EYS: variants seen among roughly 807,000 people sequenced by gnomAD.
The protein encoded by EYS is protein eyes shut homolog.
A neutral mutation model predicts 282.1 loss-of-function variants in EYS; 250 were observed. The observed-to-expected ratio is 0.89, with a 90% confidence interval of 0.80 to 0.98. The LOEUF (loss-of-function observed/expected upper bound fraction) is 0.98. Among genes scored for constraint, EYS ranks in the 50% least tolerant of loss-of-function variants. EYS has a pLI of 0.00. For missense variants in EYS, 4,016 were observed against 3,709.0 expected, an observed-to-expected ratio of 1.08 and a Z score of -2.15; for synonymous variants, 1,355 against 1,282.9, an observed-to-expected ratio of 1.06 and a Z score of -1.20.
intron 22 of EYS, among the ~76,000 whole-genome samples, chr6:64,634,169 AC>A (rs1767888705): frequency 6.6e-6 from 1 of 152,074 alleles, no homozygotes; most frequent in Non-Finnish European, 1.5e-5. Context: ...TTTTTAGTAA[AC>A]ACAGGGTTTA....
chr6:64,587,582 A>C (rs899111117), intron 26 of EYS, among the ~76,000 whole-genome samples: 2 of 152,020 alleles, frequency 1.3e-5, no homozygotes, highest in Non-Finnish European at 2.9e-5. Context: ...CAGCTATTTT[A>C]ATGCCATTTA....
intron 28 of EYS, among the ~76,000 whole-genome samples, chr6:64,425,660 A>G (rs539999669): frequency 6.8e-6 from 1 of 147,220 alleles, no homozygotes; most frequent in African/African-American, 2.6e-5. Context: ...ATCCCAGGAA[A>G]AAAAAAAAAA....
chr6:64,194,833 A>G (rs1316841431), intron 31 of EYS, among the ~76,000 whole-genome samples: 2 of 152,124 alleles, frequency 1.3e-5, no homozygotes, highest in Non-Finnish European at 2.9e-5. Flanking sequence ...GGTAAGCTAA[A>G]ATTTCATAAT....
chr6:65,539,620 A>G (rs1288821042), intron 2 of EYS, among the ~76,000 whole-genome samples: 1 of 152,166 alleles, frequency 6.6e-6, no homozygotes, highest in South Asian at 2.1e-4. Context: ...TATATATCAA[A>G]TATGTGTTGT....
At chr6:64,012,806 CCA>C (rs1370187635) in intron 33 of EYS, among the ~76,000 whole-genome samples, 1 of 152,140 alleles carries the variant, frequency 6.6e-6, no homozygotes, top group African/African-American at 2.4e-5. Flanking sequence ...CGCATAAAAG[CCA>C]CAGTGTCAGG....
chr6:64,392,615 C>A (rs1295129187), intron 28 of EYS, among the ~76,000 whole-genome samples: 1 of 151,138 alleles, frequency 6.6e-6, no homozygotes. Context: ...ATCTCTGGGA[C>A]GCATTCAAAG....
At chr6:64,708,182 C>G (rs1771096696) in intron 22 of EYS, among the ~76,000 whole-genome samples, 1 of 152,104 alleles carries the variant, frequency 6.6e-6, no homozygotes, top group Non-Finnish European at 1.5e-5. Flanking sequence ...AACTTGTTGA[C>G]CCAACAATTC....
chr6:65,540,419 C>A (rs567360546), intron 2 of EYS, among the ~76,000 whole-genome samples: 12 of 152,150 alleles, frequency 7.9e-5, no homozygotes, highest in Middle Eastern at 6.8e-3. Context: ...TAAAAACATG[C>A]CACATTTTAA....
At chr6:65,024,007 T>C (rs1772324530) in intron 13 of EYS, among the ~76,000 whole-genome samples, 1 of 152,202 alleles carries the variant, frequency 6.6e-6, no homozygotes, top group Non-Finnish European at 1.5e-5. Flanking sequence ...AGGAGTCTCC[T>C]ACTACATGCC....
intron 28 of EYS, among the ~76,000 whole-genome samples, chr6:64,396,747 G>A (rs944568562): frequency 7.2e-5 from 11 of 152,014 alleles, no homozygotes; most frequent in Middle Eastern, 3.2e-3. Context: ...TCTGTTTCTA[G>A]ACTCTCTTTT....
In EYS at chr6:64,081,898, A is replaced by G. The variant is rs1771984429; in HGVS notation, c.6529T>C (p.Leu2177=). 3 of 1,543,172 alleles carry G rather than the reference A, an allele frequency of 1.9e-6. No individual in the cohort carries two copies. The highest frequency in any genetic ancestry group is 1.8e-6 in the Non-Finnish European group (2 of 1,140,252). Residue 2177 remains leucine (L), a synonymous_variant, in exon 32 of 43, where the codon TTG becomes CTG. Coordinates refer to ENST00000503581, the MANE Select transcript of EYS (RefSeq NM_001142800.2). The part of the protein sequence containing the change: ...KEHNRTVTIY[L]TIKTNSLNGT... ...TTTAAACTGTTTGTTTTTATAGTCAAGTAGATGGTAACAGTTCTGTTATGT... is the reference window on the plus strand; with the variant it reads ...TTTAAACTGTTTGTTTTTATAGTCAGGTAGATGGTAACAGTTCTGTTATGT...
intron 24 of EYS, 94 bp from the exon 25 acceptor site, chr6:64,593,403 A>T: frequency 9.9e-6 from 9 of 905,578 alleles, no homozygotes; most frequent in Non-Finnish European, 1.2e-5. Flanking sequence ...TTGCATTTCC[A>T]TAGACATATT....
chr6:64,437,945 G>A (rs981788605), intron 27 of EYS, among the ~76,000 whole-genome samples: 6 of 151,526 alleles, frequency 4.0e-5, no homozygotes, highest in Admixed American at 6.6e-5. Flanking sequence ...AGAAATGGTA[G>A]CCCAAATGCT....
chr6:65,658,353 A>G (rs1767895485), intron 1 of EYS, among the ~76,000 whole-genome samples: 1 of 151,756 alleles, frequency 6.6e-6, no homozygotes, highest in African/African-American at 2.4e-5. Context: ...TTTGTTAATC[A>G]TAATGTATCA....
At chr6:64,994,025 A>C (rs1193209433) in intron 14 of EYS, among the ~76,000 whole-genome samples, 4 of 151,780 alleles carry the variant, frequency 2.6e-5, no homozygotes, top group Admixed American at 6.6e-5. Context: ...ATGTAAGATA[A>C]AGAGGAAAAC....
At chr6:64,242,066 G>A (rs1582474017) in intron 30 of EYS, among the ~76,000 whole-genome samples, 2 of 152,120 alleles carry the variant, frequency 1.3e-5, no homozygotes, top group East Asian at 1.9e-4. Flanking sequence ...CGTTTGCTGA[G>A]GAGTGTTTTA....
At chr6:63,726,870 TG>T (rs1272786565) in intron 41 of EYS, among the ~76,000 whole-genome samples, 190 bp from the exon 42 acceptor site, 1 of 152,222 alleles carries the variant, frequency 6.6e-6, no homozygotes, top group Non-Finnish European at 1.5e-5. Context: ...TTTAGGGTTT[TG>T]TAACGAAGTC....
chr6:63,900,807 T>TA (rs1319289426), intron 35 of EYS, among the ~76,000 whole-genome samples: 10 of 151,974 alleles, frequency 6.6e-5, no homozygotes, highest in Admixed American at 5.2e-4. Context: ...AGCTTAAAAA[T>TA]AAAACAACAA....
intron 1 of EYS, among the ~76,000 whole-genome samples, chr6:65,690,309 A>AGT (rs1769194540): frequency 6.7e-6 from 1 of 150,022 alleles, no homozygotes; most frequent in Non-Finnish European, 1.5e-5. Context: ...CTCAGAAGGG[A>AGT]GTATGCCTTA....
Sources: gnomAD v4.1 joint callset for allele counts (sites outside exome capture counted in the v4.1 genomes callset) on GRCh38, gnomAD v4.1.1 for gene constraint, MANE v1.5 for transcripts, NCBI Gene and HGNC (gene_info 2026-07-23, HGNC 2026-07-21) for gene names.